Variants in TUSC3 observed in about 807,000 individuals in gnomAD.
The protein encoded by TUSC3 is tumor suppressor candidate 3.
TUSC3 carries 45 observed loss-of-function variants against 44.8 expected under a neutral mutation model. The observed-to-expected ratio is 1.00, with a 90% CI of 0.79 to 1.29. The LOEUF is 1.29. Ranked by LOEUF, TUSC3 falls within the 50% of genes most tolerant of loss-of-function variation. The pLI is 0.00. For synonymous variants in TUSC3, 212 were observed against 152.9 expected (o/e 1.39, Z -2.85); for missense variants, 519 against 437.9 (o/e 1.19, Z -1.65).
intron 1 of TUSC3, among the ~76,000 whole-genome samples, chr8:15,478,308 C>G (rs551370093): frequency 1.6e-3 from 243 of 152,140 alleles, no homozygotes; most frequent in Non-Finnish European, 1.9e-3. Flanking sequence ...GATACATGTA[C>G]AGGATGTGCA....
intron 1 of TUSC3, among the ~76,000 whole-genome samples, chr8:15,581,982 C>T (rs1341961163): frequency 6.6e-6 from 1 of 151,376 alleles, no homozygotes; most frequent in Non-Finnish European, 1.5e-5. Flanking sequence ...GTAGGACCCT[C>T]TGAGCCAGGT....
At chr8:15,521,254 G>A (rs572781805) in intron 2 of TUSC3, among the ~76,000 whole-genome samples, 8 of 152,206 alleles carry the variant, frequency 5.3e-5, no homozygotes, top group East Asian at 3.9e-4. Flanking sequence ...TCTTAGGGAC[G>A]CTTGATCCTC....
intron 6 of TUSC3, among the ~76,000 whole-genome samples, chr8:15,693,509 T>C (rs1585237837): frequency 6.9e-6 from 1 of 145,028 alleles, no homozygotes; most frequent in African/African-American, 2.5e-5. Flanking sequence ...GCTTGTAGGG[T>C]TTCTGCTGTT....
chr8:15,586,391 G>C (rs1202199118), intron 1 of TUSC3, among the ~76,000 whole-genome samples: 1 of 152,110 alleles, frequency 6.6e-6, no homozygotes, highest in Admixed American at 6.5e-5. Context: ...TCTTGGGTGG[G>C]GTGGGATGGA....
chr8:15,749,047 C>T (rs896531636), intron 9 of TUSC3, among the ~76,000 whole-genome samples: 5 of 152,032 alleles, frequency 3.3e-5, no homozygotes, highest in East Asian at 3.9e-4. Context: ...AAGAGGTGCC[C>T]GATTACAGTT....
intron 1 of TUSC3, among the ~76,000 whole-genome samples, chr8:15,592,612 A>C (rs1407213178): frequency 6.6e-6 from 1 of 152,138 alleles, no homozygotes; most frequent in Non-Finnish European, 1.5e-5. Flanking sequence ...CATGATTGTG[A>C]GCTTCCTGAG....
At chr8:15,433,753 G>C (rs149658830) in intron 1 of TUSC3, among the ~76,000 whole-genome samples, 1 of 152,046 alleles carries the variant, frequency 6.6e-6, no homozygotes, top group Non-Finnish European at 1.5e-5. Context: ...GTTAATTCAC[G>C]TTGTGTGTTT....
intron 1 of TUSC3, among the ~76,000 whole-genome samples, chr8:15,550,793 T>C (rs1330022275): frequency 1.3e-5 from 2 of 151,644 alleles, no homozygotes; most frequent in African/African-American, 4.8e-5. Flanking sequence ...TGCCTCAGCC[T>C]CCCGAGTAGC....
chr8:15,433,457 C>G (rs750312402), intron 1 of TUSC3, among the ~76,000 whole-genome samples: 4 of 152,050 alleles, frequency 2.6e-5, no homozygotes, highest in Admixed American at 6.6e-5. Flanking sequence ...TCATGGATAA[C>G]CACTCAACCA....
At chr8:15,695,089 G>C (rs1809103014) in intron 6 of TUSC3, among the ~76,000 whole-genome samples, 1 of 152,204 alleles carries the variant, frequency 6.6e-6, no homozygotes, top group African/African-American at 2.4e-5. Context: ...TTGCGGAGAG[G>C]CCACTAGTGT....
At chr8:15,699,221 A>G (rs1337076838) in intron 6 of TUSC3, among the ~76,000 whole-genome samples, 1 of 151,744 alleles carries the variant, frequency 6.6e-6, no homozygotes, top group Non-Finnish European at 1.5e-5. Context: ...ATTTAACTGT[A>G]ACAACTATTC....
intron 6 of TUSC3, among the ~76,000 whole-genome samples, chr8:15,676,202 T>G (rs182354484): frequency 5.1e-4 from 78 of 152,336 alleles, no homozygotes; most frequent in Admixed American, 4.2e-3. Flanking sequence ...TGTATGTAAT[T>G]AAATTATTAG....
chr8:15,511,150 T>G (rs1269387996), intron 2 of TUSC3, among the ~76,000 whole-genome samples: 1 of 152,122 alleles, frequency 6.6e-6, no homozygotes, highest in Non-Finnish European at 1.5e-5. Context: ...AAAACATGAA[T>G]GCTTTCTCCC....
intron 10 of TUSC3, among the ~76,000 whole-genome samples, chr8:15,760,814 T>C (rs577499502): frequency 6.6e-5 from 10 of 152,214 alleles, no homozygotes; most frequent in African/African-American, 2.4e-4. Flanking sequence ...TTAGCCATGC[T>C]GAACACAGCA....
At chr8:15,834,191 A>G in the TUSC3 span, among the ~76,000 whole-genome samples, 2,035 of 151,786 alleles carry the variant, frequency 0.013, 21 homozygotes, top group Non-Finnish European at 0.021. Context: ...AGCACATTAC[A>G]TAAGTTTTCA....
chr8:15,529,560 ATAGAAAAT>A (rs1801424255), intron 2 of TUSC3, among the ~76,000 whole-genome samples: 1 of 152,176 alleles, frequency 6.6e-6, no homozygotes, highest in Admixed American at 6.5e-5. Context: ...AACAGTCATT[ATAGAAAAT>A]TTGCTTTAAA....
the TUSC3 span, among the ~76,000 whole-genome samples, chr8:15,809,218 T>C: frequency 0.88 from 133,403 of 152,202 alleles, 58,550 homozygotes; most frequent in African/African-American, 0.89. Flanking sequence ...TGGGCACCAG[T>C]GAGGGTGTGA....
the TUSC3 span, among the ~76,000 whole-genome samples, chr8:15,774,778 C>CA: frequency 6.6e-6 from 1 of 152,200 alleles, no homozygotes; most frequent in East Asian, 1.9e-4. Context: ...AATGACATAT[C>CA]ACTCTGATGT....
At chr8:15,538,182 A>T (rs528157296), upstream of TUSC3, among the ~76,000 whole-genome samples, 1 of 152,212 alleles carries the variant, frequency 6.6e-6, no homozygotes, top group Non-Finnish European at 1.5e-5. Context: ...CCATGACCAA[A>T]TAAGGCAAAC....
Sources: gnomAD v4.1 joint callset for allele counts (sites outside exome capture counted in the v4.1 genomes callset) on GRCh38, gnomAD v4.1.1 for gene constraint, MANE v1.5 for transcripts, NCBI Gene and HGNC (gene_info 2026-07-23, HGNC 2026-07-21) for gene names.